Variants in ZFHX3 observed in about 807,000 individuals in gnomAD.
The protein encoded by ZFHX3 is zinc finger homeobox protein 3.
Under a neutral mutation model 279.1 loss-of-function variants are expected in ZFHX3, and 42 were observed. The ratio of observed to expected loss-of-function variants is 0.15; its 90% CI spans 0.12 to 0.19. ZFHX3 has a LOEUF of 0.19. Among genes scored for constraint, ZFHX3 ranks in the 10% least tolerant of loss-of-function variants. The pLI is 1.00. For synonymous variants in ZFHX3, 2,293 were observed against 1,957.8 expected (o/e 1.17, Z -4.52); for missense variants, 4,981 against 4,754.0 (o/e 1.05, Z -1.40).
In ZFHX3 at chr16:72,793,487, T is replaced by C; in HGVS notation, c.9195A>G (p.Glu3065=). The part of the protein sequence containing the change: ...TIGSQLDKEK[E]YFDPATVRQL... ...GACGTACGGTGGCTGGGTCAAAGTA[T>C]TCTTTCTCCTTGTCCAGCTGGCTTC... Residue 3065 remains glutamate, a synonymous_variant, in exon 9 of 10, where the codon GAA becomes GAG. Coordinates refer to ENST00000268489, the MANE Select transcript of ZFHX3 (RefSeq NM_006885.4). The surrounding 1 kb of genome is among the most constrained non-coding windows in gnomAD (Gnocchi z 4.3). 6.2e-7 allele frequency: 1 copy of C among 1,614,222 alleles called. No individual in the cohort carries two copies. The highest frequency in any genetic ancestry group is 8.5e-7 in the Non-Finnish European group (1 of 1,180,032).
chr16:73,280,315 A>G (rs2014424541), intron 4 of ZFHX3, among the ~76,000 whole-genome samples: 1 of 152,214 alleles, frequency 6.6e-6, no homozygotes, highest in African/African-American at 2.4e-5. Flanking sequence ...TGAAAAGGTA[A>G]CCTATAGAAT....
chr16:72,923,763 T>C (rs1959278029), intron 3 of ZFHX3, among the ~76,000 whole-genome samples: 2 of 152,122 alleles, frequency 1.3e-5, no homozygotes, highest in Non-Finnish European at 2.9e-5. Flanking sequence ...TGGGAGCTAA[T>C]GAAAAAGCTA....
intron 1 of ZFHX3, among the ~76,000 whole-genome samples, chr16:73,029,496 G>A (rs1170249000): frequency 6.6e-6 from 1 of 152,196 alleles, no homozygotes; most frequent in African/African-American, 2.4e-5. Context: ...TGTGAGTGAT[G>A]CCACAGGTAG....
At chr16:73,542,575 C>T (rs1032754498) in intron 2 of ZFHX3, among the ~76,000 whole-genome samples, 2 of 151,992 alleles carry the variant, frequency 1.3e-5, no homozygotes, top group South Asian at 2.1e-4. Context: ...CATGATAAGG[C>T]GTTTTTGTAA....
At chr16:73,537,580 T>A (rs1371264789) in intron 2 of ZFHX3, among the ~76,000 whole-genome samples, 1 of 152,202 alleles carries the variant, frequency 6.6e-6, no homozygotes, top group East Asian at 1.9e-4. Flanking sequence ...CCTCCCAAAG[T>A]GCTGGGATTA....
intron 1 of ZFHX3, among the ~76,000 whole-genome samples, chr16:73,831,159 C>T (rs1260392775): frequency 6.6e-6 from 1 of 152,242 alleles, no homozygotes; most frequent in African/African-American, 2.4e-5. Context: ...AGGGTATTCA[C>T]AGCCCTGGAG....
At chr16:73,108,613 T>G (rs1358374280) in intron 7 of ZFHX3, among the ~76,000 whole-genome samples, 1 of 152,112 alleles carries the variant, frequency 6.6e-6, no homozygotes, top group Non-Finnish European at 1.5e-5. Flanking sequence ...GATCCCCTTC[T>G]CTGCCGGTCC....
At chr16:72,907,108 C>T (rs540262286) in intron 3 of ZFHX3, among the ~76,000 whole-genome samples, 1 of 152,316 alleles carries the variant, frequency 6.6e-6, no homozygotes, top group Admixed American at 6.5e-5. Context: ...ATCCAGTAGC[C>T]TGCTCTGCTA....
At chr16:73,538,899 T>C (rs2019958296) in intron 2 of ZFHX3, among the ~76,000 whole-genome samples, 1 of 152,198 alleles carries the variant, frequency 6.6e-6, no homozygotes, top group South Asian at 2.1e-4. Context: ...AGTGACTACC[T>C]CAGTGGACTA....
chr16:73,325,928 A>AACACACACAC (rs140609871), intron 3 of ZFHX3, among the ~76,000 whole-genome samples: 32 of 145,476 alleles, frequency 2.2e-4, no homozygotes, highest in Non-Finnish European at 2.3e-4. Flanking sequence ...CACACACACA[A>AACACACACAC]ACACACACAC....
intron 5 of ZFHX3, among the ~76,000 whole-genome samples, chr16:72,822,652 T>A (rs1159698862): frequency 1.3e-5 from 2 of 152,156 alleles, no homozygotes; most frequent in Non-Finnish European, 2.9e-5. Context: ...AATATGCAAA[T>A]CTATAAGGTA....
At chr16:73,486,757 T>A (rs780561005) in intron 2 of ZFHX3, 7 of 455,698 alleles carry the variant, frequency 1.5e-5, no homozygotes. Flanking sequence ...TCTTCAGGAA[T>A]GAAGTTTGCT....
chr16:73,032,357 C>T (rs1964736228), intron 1 of ZFHX3, among the ~76,000 whole-genome samples: 1 of 152,058 alleles, frequency 6.6e-6, no homozygotes, highest in Non-Finnish European at 1.5e-5. Context: ...TGGCTAAAGA[C>T]CCTTTCCTAG....
chr16:73,225,970 G>T (rs2012578647), intron 5 of ZFHX3, among the ~76,000 whole-genome samples: 1 of 152,214 alleles, frequency 6.6e-6, no homozygotes, highest in South Asian at 2.1e-4. Flanking sequence ...GGTCCCAGAA[G>T]CTGAGATGTA....
chr16:73,531,714 C>CAAAAA (rs34119200), intron 2 of ZFHX3, among the ~76,000 whole-genome samples: 6 of 81,146 alleles, frequency 7.4e-5, no homozygotes, highest in African/African-American at 1.5e-4. Context: ...AACCCTGTCT[C>CAAAAA]AAAAAAAAAA....
chr16:73,387,845 A>T (rs1047250156), intron 3 of ZFHX3, among the ~76,000 whole-genome samples: 10 of 151,986 alleles, frequency 6.6e-5, no homozygotes, highest in Non-Finnish European at 2.9e-5. Context: ...GGAAACTTCC[A>T]TATGTCAGAG....
chr16:72,943,517 G>T (rs1036662419), intron 3 of ZFHX3, among the ~76,000 whole-genome samples: 10 of 152,168 alleles, frequency 6.6e-5, no homozygotes, highest in African/African-American at 2.4e-4. Flanking sequence ...GGGTGACAGA[G>T]TGAGACCCAG....
intron 5 of ZFHX3, among the ~76,000 whole-genome samples, chr16:73,239,255 G>A (rs1017170298): frequency 6.6e-6 from 1 of 152,162 alleles, no homozygotes; most frequent in Admixed American, 6.5e-5. Flanking sequence ...ATTTCCTATT[G>A]GGCAATTCTC....
chr16:73,210,142 T>G (rs773579899), intron 5 of ZFHX3, among the ~76,000 whole-genome samples: 2 of 152,214 alleles, frequency 1.3e-5, no homozygotes, highest in Non-Finnish European at 2.9e-5. Flanking sequence ...TCAGTTAAGG[T>G]GCTTGATAAA....
Sources: gnomAD v4.1 joint callset for allele counts (sites outside exome capture counted in the v4.1 genomes callset) on GRCh38, gnomAD v4.1.1 for gene constraint, Gnocchi (gnomAD v3.1) non-coding constraint, MANE v1.5 for transcripts, NCBI Gene and HGNC (gene_info 2026-07-23, HGNC 2026-07-21) for gene names.